The following ARSL variants were observed in gnomAD, a reference collection of about 807,000 sequenced individuals.
ARSL encodes the protein arylsulfatase E (chondrodysplasia punctata 1).
A neutral mutation model predicts 31.1 loss-of-function variants in ARSL; 4 were observed. The observed-to-expected ratio is 0.13, with a 90% CI of 0.06 to 0.29. The LOEUF is 0.29. Among genes scored for constraint, ARSL ranks in the 10% least tolerant of loss-of-function variants. The pLI is 1.00. For missense variants in ARSL, 312 were observed against 497.8 expected, an observed-to-expected ratio of 0.63 and a Z score of 3.55; for synonymous variants, 198 against 209.9, an observed-to-expected ratio of 0.94 and a Z score of 0.49.
intron 5 of ARSL, 93 bp downstream of exon 5, chrX:2,953,050 C>T (rs2089482441): frequency 1.9e-6 from 2 of 1,053,011 alleles, no homozygotes. Context: ...GGAAATCCCA[C>T]AGCACCTCAC....
intron 7 of ARSL, among the ~76,000 whole-genome samples, chrX:2,944,486 A>C (rs1339675676): frequency 2.9e-5 from 3 of 105,116 alleles, no homozygotes; most frequent in Non-Finnish European, 5.9e-5. Context: ...AAAAAAAAAA[A>C]CAAAACAAAA....
intron 8 of ARSL, among the ~76,000 whole-genome samples, chrX:2,938,689 C>G (rs1043586943): frequency 1.5e-4 from 16 of 105,666 alleles, no homozygotes; most frequent in African/African-American, 5.6e-4. Context: ...GTGGATACAA[C>G]TATAACGTAT....
intron 1 of ARSL, among the ~76,000 whole-genome samples, chrX:2,961,947 C>A (rs1048433218): frequency 9.4e-6 from 1 of 105,887 alleles, no homozygotes; most frequent in African/African-American, 3.5e-5. Context: ...ATGGCGCGAT[C>A]TTGGCTCACT....
intron 2 of ARSL, 84 bp downstream of exon 2, chrX:2,960,294 A>G (rs1383178077): frequency 8.7e-6 from 4 of 459,291 alleles, no homozygotes; most frequent in South Asian, 4.5e-5. Context: ...AAAAAAAAAA[A>G]GAAGAGAAAG....
chrX:2,944,902 G>C (rs1300421876), intron 7 of ARSL, among the ~76,000 whole-genome samples: 1 of 109,524 alleles, frequency 9.1e-6, no homozygotes, highest in African/African-American at 3.3e-5. Flanking sequence ...GCTGTGTTAG[G>C]AAAAAAAGAA....
chrX:2,957,992 A>G (rs773042219), intron 3 of ARSL, among the ~76,000 whole-genome samples: 31 of 111,401 alleles, frequency 2.8e-4, no homozygotes, highest in Non-Finnish European at 4.5e-4. Flanking sequence ...AGTGCAGTCC[A>G]GCCTGGACCA....
rs1482725322 is a variant in ARSL at position 2,943,179 on chromosome X, C to G, written c.1012G>C (p.Asp338His). The change falls in exon 8 of 11, where the codon GAC becomes CAC. Residue 338 changes from aspartate to histidine, a missense_variant. Coordinates refer to ENST00000381134, the MANE Select transcript of ARSL (RefSeq NM_000047.3). ...WMVGRILDTL[D>H]VEGLSNSTLI... ...GTGCTGTTGCTCAAACCCTCCACGT[C>G]CAAAGTGTCAAGGATCCGTCCTGCA... 5 of 1,209,001 alleles carry G rather than the reference C, an allele frequency of 4.1e-6. No homozygotes were observed. The highest frequency in any genetic ancestry group is 2.2e-6 in the Non-Finnish European group (2 of 895,151).
upstream of ARSL, among the ~76,000 whole-genome samples, chrX:2,965,079 C>T (rs1331317669): frequency 9.2e-6 from 1 of 108,961 alleles, no homozygotes; most frequent in African/African-American, 3.3e-5. Flanking sequence ...AGAGCAAGAC[C>T]CTGCCTCAAA....
chrX:2,936,802 C>T lies in ARSL; in HGVS notation c.1351G>A (p.Glu451Lys), dbSNP rs751814178. The change falls in exon 10 of 11, where the codon GAG (glutamate) becomes AAG (lysine). Residue 451 changes from glutamate (E) to lysine (K), a missense_variant. Glu to Lys is a moderately conservative substitution (Grantham distance 56). Transcript: ENST00000381134. Reference protein sequence around the residue: ...LLGTAQHSDHEFLMHYCERFL... With the variant: ...LLGTAQHSDHKFLMHYCERFL... ...CTCTCACAATAATGCATCAGGAACT[C>T]GTGGTCTGAGTGTTGGGCTGTCCCC... The T allele has an allele frequency of 1.4e-5, 17 of 1,211,525 alleles. No individual in the cohort carries two copies. The highest frequency in any genetic ancestry group is 3.5e-5 in the African/African-American group (2 of 57,783).
At chrX:2,966,932 T>TGTATACATGTAC (rs2089704724), upstream of ARSL, among the ~76,000 whole-genome samples, 3 of 110,929 alleles carry the variant, frequency 2.7e-5, no homozygotes, top group African/African-American at 9.8e-5. Context: ...TGCATGTATA[T>TGTATACATGTAC]ATACATACAT....
At chrX:2,958,585 T>C in intron 2 of ARSL, 150 bp from the exon 3 acceptor site, 2 of 740,959 alleles carry the variant, frequency 2.7e-6, no homozygotes, top group Non-Finnish European at 4.0e-6. Flanking sequence ...ATTGTTTTTC[T>C]CTGGTTACAA....
At chrX:2,944,203 C>T (rs1036606944) in intron 7 of ARSL, among the ~76,000 whole-genome samples, 1 of 108,599 alleles carries the variant, frequency 9.2e-6, no homozygotes, top group Non-Finnish European at 1.9e-5. Context: ...TCCCTGTAAT[C>T]CCAGCACTTT....
intron 1 of ARSL, among the ~76,000 whole-genome samples, chrX:2,961,602 G>C (rs996870063): frequency 8.9e-6 from 1 of 112,016 alleles, no homozygotes; most frequent in Admixed American, 9.5e-5. Context: ...GCCCTGCAAA[G>C]CTGTCCTTTG....
At chrX:2,958,034 AAAAT>A (rs2089550667) in intron 3 of ARSL, among the ~76,000 whole-genome samples, 1 of 111,732 alleles carries the variant, frequency 8.9e-6, no homozygotes, top group Non-Finnish European at 1.9e-5. Context: ...AGAAAAATAA[AAAAT>A]AAAAATAAAT....
intron 5 of ARSL, 140 bp downstream of exon 5, chrX:2,953,003 A>T: frequency 1.3e-6 from 1 of 771,579 alleles, no homozygotes; most frequent in Non-Finnish European, 1.9e-6. Flanking sequence ...CTGGAAAGGA[A>T]CATGGTTCCT....
In ARSL at chrX:2,934,941, G is replaced by T. The variant is rs1218013540; in HGVS notation, c.1661C>A (p.Pro554Gln). Reference protein sequence around the residue: ...AVWEHQRTLSPVPLQLDRLGN... With the variant: ...AVWEHQRTLSQVPLQLDRLGN... Reference sequence around the variant, plus strand: ...CAGCCTGTCCAGCTGCAGAGGAACTGGGCTGAGTGTCCGCTGGTGTTCCCA... The same window carrying T: ...CAGCCTGTCCAGCTGCAGAGGAACTTGGCTGAGTGTCCGCTGGTGTTCCCA... Residue 554 changes from proline (P) to glutamine (Q), a missense_variant, in exon 11 of 11, where the codon CCA becomes CAA. By Grantham distance (76) the Pro-to-Gln change is moderately conservative. Coordinates refer to ENST00000381134, the MANE Select transcript of ARSL (RefSeq NM_000047.3). The T allele has an allele frequency of 2.5e-6, 3 of 1,208,342 alleles. No individual in the cohort carries two copies. The highest frequency in any genetic ancestry group is 1.8e-5 in the African/African-American group (1 of 57,110).
chrX:2,968,107 A>C (rs1004284342), upstream of ARSL: 5 of 1,154,810 alleles, frequency 4.3e-6, no homozygotes, highest in Admixed American at 2.6e-5. Context: ...CTGCACGTGC[A>C]AAAGCCGGCC....
At chrX:2,949,823 C>A in intron 5 of ARSL, 96 bp from the exon 6 acceptor site, 1 of 959,414 alleles carries the variant, frequency 1.0e-6, no homozygotes, top group Non-Finnish European at 1.5e-6. Flanking sequence ...CTCTGTTAGA[C>A]ACTGGGGGGC....
At chrX:2,948,563 A>G (rs916607721) in intron 6 of ARSL, among the ~76,000 whole-genome samples, 5 of 111,013 alleles carry the variant, frequency 4.5e-5, no homozygotes, top group African/African-American at 1.6e-4. Flanking sequence ...TCATAGCCTC[A>G]CTACATAGCC....
Sources: gnomAD v4.1 joint callset for allele counts (sites outside exome capture counted in the v4.1 genomes callset) on GRCh38, gnomAD v4.1.1 for gene constraint, MANE v1.5 for transcripts, NCBI Gene and HGNC (gene_info 2026-07-23, HGNC 2026-07-21) for gene names.